UTRN: variants seen among roughly 807,000 people sequenced by gnomAD.
UTRN encodes the protein utrophin, also known as dystrophin-related protein 1.
A neutral mutation model predicts 463.9 loss-of-function variants in UTRN; 283 were observed. The observed-to-expected ratio is 0.61, with a 90% CI of 0.55 to 0.67. The LOEUF (loss-of-function observed/expected upper bound fraction) is 0.67, where lower values mean the gene tolerates loss of function less well. Among genes scored for constraint, UTRN ranks in the 30% least tolerant of loss-of-function variants. The probability of loss-of-function intolerance (pLI) is 0.00; values close to 1 mark genes in which losing one functional copy is unlikely to be tolerated. For synonymous variants in UTRN, 1,442 were observed against 1,431.5 expected (o/e 1.01, Z -0.17); for missense variants, 3,922 against 4,084.3 (o/e 0.96, Z 1.08).
intron 39 of UTRN, 80 bp downstream of exon 39, chr6:144,517,028 A>C (rs1795676936): frequency 8.0e-7 from 1 of 1,251,528 alleles, no homozygotes; most frequent in Non-Finnish European, 1.0e-6. Flanking sequence ...GCTGCATCAC[A>C]GATGCTTTAA....
chr6:144,577,711 G>A (rs1415151705), intron 51 of UTRN, among the ~76,000 whole-genome samples: 1 of 152,154 alleles, frequency 6.6e-6, no homozygotes, highest in Non-Finnish European at 1.5e-5. Flanking sequence ...TATTAGGCTT[G>A]ATGATATTAC....
intron 53 of UTRN, among the ~76,000 whole-genome samples, chr6:144,719,683 T>C (rs987345644): frequency 3.9e-5 from 6 of 152,130 alleles, no homozygotes; most frequent in Non-Finnish European, 5.9e-5. Context: ...ATAAGGACTT[T>C]GAAGCTAGAA....
At chr6:144,480,120 C>A in intron 26 of UTRN, 138 bp downstream of exon 26, 3 of 1,083,656 alleles carry the variant, frequency 2.8e-6, no homozygotes, top group Non-Finnish European at 3.7e-6. Flanking sequence ...ATTAAAAAAA[C>A]ATAACAGGGT....
chr6:144,726,483 G>A (rs552987036), intron 53 of UTRN, among the ~76,000 whole-genome samples: 5 of 152,286 alleles, frequency 3.3e-5, no homozygotes, highest in Admixed American at 2.6e-4. Flanking sequence ...CCCAGACATG[G>A]CATTAGTCTG....
Position 144,523,109 on chromosome 6 carries a change from G to T in UTRN, c.5827G>T (p.Ala1943Ser). 6.2e-7 allele frequency: 1 copy of T among 1,613,594 alleles called. No individual in the cohort carries two copies. The highest frequency in any genetic ancestry group is 8.5e-7 in the Non-Finnish European group (1 of 1,179,752). ...DVILEASGPEAIQIRDTLTQL... is the reference protein window; with the variant it reads ...DVILEASGPESIQIRDTLTQL... ...CATCCTTGAAGCCTCTGGACCTGAA[G>T]CCATTCAGATCAGAGATACACTTAC... Residue 1943 changes from alanine to serine, a missense_variant, in exon 41 of 75, where the codon GCC (alanine) becomes TCC (serine). Around this residue, in one of 3 missense-constraint regions of UTRN, gnomAD observed 2,349 missense variants for 2,303.8 expected, o/e 1.02. Coordinates refer to ENST00000367545, the MANE Select transcript of UTRN (RefSeq NM_007124.3).
chr6:144,603,315 C>G (rs1462197525), intron 51 of UTRN, among the ~76,000 whole-genome samples: 1 of 152,104 alleles, frequency 6.6e-6, no homozygotes, highest in African/African-American at 2.4e-5. Flanking sequence ...TGTGTATGTG[C>G]TGGATCAAAG....
chr6:144,411,234 T>G (rs1003329550), intron 3 of UTRN, among the ~76,000 whole-genome samples: 2 of 152,208 alleles, frequency 1.3e-5, no homozygotes, highest in Non-Finnish European at 2.9e-5. Context: ...GGTTTTTGAT[T>G]TTTTGATTAC....
At chr6:144,406,356 C>T (rs12204905) in intron 3 of UTRN, among the ~76,000 whole-genome samples, 23 of 125,554 alleles carry the variant, frequency 1.8e-4, no homozygotes, top group African/African-American at 3.3e-4. Flanking sequence ...TTTTTCTTTT[C>T]TTTTTTTTTT....
chr6:144,361,675 A>G (rs909885054), intron 2 of UTRN, among the ~76,000 whole-genome samples: 1 of 152,050 alleles, frequency 6.6e-6, no homozygotes, highest in Non-Finnish European at 1.5e-5. Context: ...TGCAGCCTCA[A>G]CCTTCTGGGT....
At chr6:144,744,345 T>C (rs1790450968) in intron 54 of UTRN, among the ~76,000 whole-genome samples, 2 of 143,218 alleles carry the variant, frequency 1.4e-5, no homozygotes, top group African/African-American at 2.7e-5. Flanking sequence ...TGTGTGTGTG[T>C]GTGTGTGTAT....
At chr6:144,335,857 C>T (rs1294177687) in intron 2 of UTRN, among the ~76,000 whole-genome samples, 1 of 152,126 alleles carries the variant, frequency 6.6e-6, no homozygotes, top group Non-Finnish European at 1.5e-5. Flanking sequence ...GTCAGTTCCT[C>T]AGCATCAGTT....
rs1786705354 is a variant in UTRN, at chr6:144,437,659, A to G, written c.1154A>G (p.Glu385Gly). Residue 385 changes from glutamate to glycine, a missense_variant, in exon 11 of 75, where the codon GAA (glutamate) becomes GGA (glycine). Physicochemically the swap from Glu to Gly is moderately conservative, Grantham distance 98 (BLOSUM62 -2). Around this residue, in one of 3 missense-constraint regions of UTRN, gnomAD observed 2,349 missense variants for 2,303.8 expected, o/e 1.02. Transcript: ENST00000367545. ...QLITQGTLSD[E>G]EEFEIQEQMT... ...ATAACACAAGGAACTCTGTCAGACGAAGAAGAATTTGAGATTCAGGAACAG... is the reference window on the plus strand; with the variant it reads ...ATAACACAAGGAACTCTGTCAGACGGAGAAGAATTTGAGATTCAGGAACAG... The G allele has an allele frequency of 6.2e-7, 1 of 1,614,156 alleles. No homozygotes were observed. The highest frequency in any genetic ancestry group is 8.5e-7 in the Non-Finnish European group (1 of 1,180,024).
chr6:144,633,096 CATTGCTTATGT>C lies in UTRN; in HGVS notation c.7480-45309_7480-45299del, dbSNP rs568675124. ...ATAATTTAGTATTTTGCCAGTGCTT[CATTGCTTATGT>C]GCAATGAGGCATTTAACAAAATAAA... is the stretch of plus-strand genomic sequence containing the variant. On this transcript the variant is annotated intron_variant, in intron 51 of 74. Coordinates refer to ENST00000367545, the MANE Select transcript of UTRN (RefSeq NM_007124.3). 9.9e-5 allele frequency among the ~76,000 whole-genome samples: 15 copies of C among 152,252 alleles called. No homozygotes were observed. In the East Asian group the frequency reaches 2.1e-3, roughly 21 times the overall value.
chr6:144,654,012 A>G (rs1264847288), intron 51 of UTRN, among the ~76,000 whole-genome samples: 1 of 152,248 alleles, frequency 6.6e-6, no homozygotes, highest in African/African-American at 2.4e-5. Flanking sequence ...ATCTGAAGGA[A>G]GAGAGATAAC....
intron 53 of UTRN, among the ~76,000 whole-genome samples, chr6:144,725,143 TC>T (rs1787724478): frequency 6.6e-6 from 1 of 152,198 alleles, no homozygotes; most frequent in Admixed American, 6.5e-5. Flanking sequence ...GGCAGGTTTT[TC>T]CCATGCTGTT....
chr6:144,708,272 A>G (rs1198957830), intron 53 of UTRN: 9 of 653,324 alleles, frequency 1.4e-5, no homozygotes, highest in South Asian at 1.1e-4. Flanking sequence ...TGGAATTGCA[A>G]TAGAGTTGTA....
chr6:144,727,565 T>C (rs1222732885), intron 53 of UTRN, among the ~76,000 whole-genome samples: 2 of 151,932 alleles, frequency 1.3e-5, no homozygotes, highest in Admixed American at 6.6e-5. Flanking sequence ...GAGACCATCC[T>C]GGCTAACACA....
intron 53 of UTRN, among the ~76,000 whole-genome samples, chr6:144,723,474 T>A (rs556017445): frequency 6.6e-6 from 1 of 152,284 alleles, no homozygotes; most frequent in Non-Finnish European, 1.5e-5. Context: ...GCAGGTACAG[T>A]AGAGGATTTC....
At chr6:144,450,722 G>C (rs1039605910) in intron 17 of UTRN, among the ~76,000 whole-genome samples, 7 of 152,144 alleles carry the variant, frequency 4.6e-5, no homozygotes, top group Admixed American at 4.6e-4. Flanking sequence ...GTCTGTACTT[G>C]TTCTTTGCTG....
Sources: allele counts gnomAD v4.1 joint callset (sites outside exome capture counted in the v4.1 genomes callset), GRCh38; gene constraint gnomAD v4.1.1; regional missense constraint gnomAD v4.1.1; transcripts MANE v1.5; gene names NCBI Gene and HGNC (gene_info 2026-07-23, HGNC 2026-07-21).